The following RPTOR variants were observed in gnomAD, a reference collection of about 807,000 sequenced individuals.
RPTOR encodes regulatory-associated protein of mTOR.
A neutral mutation model predicts 169.9 loss-of-function variants in RPTOR; 21 were observed. The observed-to-expected ratio is 0.12, with a 90% CI of 0.09 to 0.18. The LOEUF (loss-of-function observed/expected upper bound fraction) is 0.18. Among genes scored for constraint, RPTOR ranks in the 10% least tolerant of loss-of-function variants. RPTOR has a pLI of 1.00. For synonymous variants in RPTOR, 732 were observed against 753.2 expected, an observed-to-expected ratio of 0.97 and a Z score of 0.46; for missense variants, 1,133 against 1,855.9, an observed-to-expected ratio of 0.61 and a Z score of 7.16.
chr17:80,759,973 AC>A (rs1712739627), intron 6 of RPTOR, among the ~76,000 whole-genome samples: 1 of 152,116 alleles, frequency 6.6e-6, no homozygotes, highest in Non-Finnish European at 1.5e-5. Flanking sequence ...CATATCCTTA[AC>A]CCTTCGCATT....
chr17:80,871,128 C>T (rs1172345799), intron 13 of RPTOR, among the ~76,000 whole-genome samples: 2 of 151,940 alleles, frequency 1.3e-5, no homozygotes, highest in African/African-American at 4.8e-5. Context: ...TCGTTTGAGA[C>T]GGAGTCTCAC....
At chr17:80,592,965 A>G (rs1383532111) in intron 1 of RPTOR, among the ~76,000 whole-genome samples, 1 of 152,208 alleles carries the variant, frequency 6.6e-6, no homozygotes, top group East Asian at 1.9e-4. Context: ...TGATAGCCTC[A>G]TAACTGGCCG....
chr17:80,944,620 C>T (rs1166535525), intron 25 of RPTOR, among the ~76,000 whole-genome samples: 2 of 152,228 alleles, frequency 1.3e-5, no homozygotes, highest in African/African-American at 4.8e-5. Flanking sequence ...TTTTCTTCTG[C>T]TTCCTTTGTG....
intron 16 of RPTOR, among the ~76,000 whole-genome samples, chr17:80,884,257 G>A (rs1056876654): frequency 6.6e-6 from 1 of 152,330 alleles, no homozygotes; most frequent in Non-Finnish European, 1.5e-5. Flanking sequence ...TCCGGGTGCC[G>A]CTCTGCGTCC....
rs924403921 is a variant in RPTOR at position 80,885,145 on chromosome 17, G to C, written c.1980G>C (p.Arg660=). 6.4e-6 allele frequency: 10 copies of C among 1,553,392 alleles called. No homozygotes were observed. In the Admixed American group the frequency reaches 2.0e-4, roughly 30 times the overall value. Residue 660 remains arginine (R), a synonymous_variant, in exon 17 of 34, where the codon CGG becomes CGC. Transcript: ENST00000306801. ...QLVSDGSPMV[R]KELVVALSHL... ...TCAGCGACGGGAGCCCCATGGTCCG[G>C]AAGGTGCGTGAACCCCCAGCCCGGC...
chr17:80,724,488 G>A (rs2066313515), intron 4 of RPTOR, among the ~76,000 whole-genome samples: 1 of 151,860 alleles, frequency 6.6e-6, no homozygotes, highest in Non-Finnish European at 1.5e-5. Context: ...GCCAAATCAG[G>A]TTTGGGTAAG....
intron 25 of RPTOR, among the ~76,000 whole-genome samples, chr17:80,943,287 A>C (rs923663648): frequency 4.6e-5 from 7 of 151,950 alleles, no homozygotes; most frequent in Non-Finnish European, 7.4e-5. Context: ...CGCGGCTTTG[A>C]CCTTGCACCC....
intron 13 of RPTOR, 98 bp downstream of exon 13, chr17:80,857,998 C>T (rs1182611699): frequency 1.3e-5 from 12 of 934,790 alleles, no homozygotes; most frequent in African/African-American, 3.2e-5. Flanking sequence ...TCTCCAGCCT[C>T]GCTCCCTCTC....
At chr17:80,877,852 C>T (rs2068139657) in intron 13 of RPTOR, among the ~76,000 whole-genome samples, 1 of 152,212 alleles carries the variant, frequency 6.6e-6, no homozygotes, top group East Asian at 1.9e-4. Context: ...TGACCACCCG[C>T]TCCCCATCGT....
chr17:80,838,688 G>A (rs367804880), intron 10 of RPTOR, among the ~76,000 whole-genome samples: 30 of 152,344 alleles, frequency 2.0e-4, no homozygotes, highest in Admixed American at 5.9e-4. Flanking sequence ...CGGCAGACAC[G>A]GGGAGGCCAG....
chr17:80,590,248 AG>A (rs1486953307), intron 1 of RPTOR, among the ~76,000 whole-genome samples: 1 of 150,090 alleles, frequency 6.7e-6, no homozygotes, highest in African/African-American at 2.5e-5. Context: ...AGCATGGTGA[AG>A]GAGGCATGCA....
At chr17:80,692,278 CGTTATGTTATGTTAT>C (rs71367010) in intron 3 of RPTOR, among the ~76,000 whole-genome samples, 4,458 of 145,444 alleles carry the variant, frequency 0.031, 76 homozygotes, top group African/African-American at 0.044. Flanking sequence ...TGTCTGGCTA[CGTTATGTTATGTTAT>C]GTTATGTTAT....
intron 1 of RPTOR, 45 bp downstream of exon 1, chr17:80,545,836 A>G (rs1725777638): frequency 6.7e-7 from 1 of 1,492,730 alleles, no homozygotes; most frequent in Non-Finnish European, 9.0e-7. Flanking sequence ...TAGTTTCCCC[A>G]ACAAAGAAAG....
intron 17 of RPTOR, among the ~76,000 whole-genome samples, chr17:80,890,671 GAGAGT>G (rs1352422183): frequency 6.6e-6 from 1 of 152,234 alleles, no homozygotes; most frequent in Non-Finnish European, 1.5e-5. Flanking sequence ...ATAGGGCAGG[GAGAGT>G]TTGGGGTGCA....
intron 14 of RPTOR, among the ~76,000 whole-genome samples, chr17:80,882,532 G>A (rs1377236866): frequency 3.9e-5 from 6 of 152,174 alleles, no homozygotes; most frequent in Middle Eastern, 3.2e-3. Flanking sequence ...GACCACGGTC[G>A]GGTCACCTGC....
At chr17:80,842,989 G>A (rs1487086615) in intron 10 of RPTOR, among the ~76,000 whole-genome samples, 1 of 152,204 alleles carries the variant, frequency 6.6e-6, no homozygotes, top group African/African-American at 2.4e-5. Flanking sequence ...CCACACAGTT[G>A]TAATGACAAA....
intron 9 of RPTOR, among the ~76,000 whole-genome samples, chr17:80,836,166 C>G (rs1157464687): frequency 2.0e-5 from 3 of 152,208 alleles, no homozygotes; most frequent in Admixed American, 2.0e-4. Context: ...GGCGAGGCAG[C>G]GAGGCAGGCA....
rs34461761 is a variant in RPTOR at position 80,709,102 on chromosome 17, G to A, written c.507+1103G>A. 5.6e-5 allele frequency: 55 copies of A among 985,316 alleles called. No homozygotes were observed. The African/African-American group carries it at 7.0e-4, about 13-fold the overall frequency. 61.0% of individuals were successfully genotyped at this position (985,316 alleles called of 1,614,324 possible). A position where few individuals can be genotyped will look rare whatever the true frequency, so the allele number is the denominator to read the frequency against. On this transcript the variant is annotated intron_variant, in intron 4 of 33. Coordinates refer to ENST00000306801, the MANE Select transcript of RPTOR (RefSeq NM_020761.3). ...TGGACACTGAGGAGTAGCCAGCCTCGGAAGTTAGAAAGGTATCCACCCAGC... is the reference window on the plus strand; with the variant it reads ...TGGACACTGAGGAGTAGCCAGCCTCAGAAGTTAGAAAGGTATCCACCCAGC...
chr17:80,959,485 C>A lies in RPTOR; in HGVS notation c.3478-593C>A, dbSNP rs1314987020. Among the ~76,000 whole-genome samples, 2 of 152,188 alleles carry A rather than the reference C, an allele frequency of 1.3e-5. No individual in the cohort carries two copies. The highest frequency in any genetic ancestry group is 2.4e-5 in the African/African-American group (1 of 41,458). On this transcript the variant is annotated intron_variant, in intron 29 of 33. Coordinates refer to ENST00000306801, the MANE Select transcript of RPTOR (RefSeq NM_020761.3). The surrounding 1 kb of genome is among the most constrained non-coding windows in gnomAD (Gnocchi z 6.7). ...TTTCCTCCTGGAGTGCACAACCCAGCACCGCCCATCGTGCGTGGAAAGCGC... is the reference window on the plus strand; with the variant it reads ...TTTCCTCCTGGAGTGCACAACCCAGAACCGCCCATCGTGCGTGGAAAGCGC...
Sources: gnomAD v4.1 joint callset for allele counts (sites outside exome capture counted in the v4.1 genomes callset) on GRCh38, gnomAD v4.1.1 for gene constraint, Gnocchi (gnomAD v3.1) non-coding constraint, MANE v1.5 for transcripts, NCBI Gene and HGNC (gene_info 2026-07-23, HGNC 2026-07-21) for gene names.